GAS7: variants seen among roughly 807,000 people sequenced by gnomAD.
GAS7 encodes the protein growth arrest specific 7, also known as growth arrest-specific protein 7.
In GAS7, 28 loss-of-function variants were observed where a neutral mutation model predicts 71.1. That is an observed-to-expected ratio of 0.39 (90% CI 0.29 to 0.54). The LOEUF (loss-of-function observed/expected upper bound fraction) is 0.54, where lower values mean the gene tolerates loss of function less well. Among genes scored for constraint, GAS7 ranks in the 20% least tolerant of loss-of-function variants. The pLI, the probability that GAS7 is intolerant of heterozygous loss-of-function variation, is 0.62. For missense variants in GAS7, 436 were observed against 627.8 expected (o/e 0.69, Z 3.27); for synonymous variants, 258 against 245.8 (o/e 1.05, Z -0.46).
chr17:10,097,181 GC>G (rs1345373714), intron 1 of GAS7, among the ~76,000 whole-genome samples: 1 of 152,080 alleles, frequency 6.6e-6, no homozygotes, highest in Non-Finnish European at 1.5e-5. Context: ...CCTTCTCTGA[GC>G]CCCCATAACA....
chr17:10,029,103 C>A (rs1391635219), intron 1 of GAS7, among the ~76,000 whole-genome samples: 2 of 152,192 alleles, frequency 1.3e-5, no homozygotes, highest in Non-Finnish European at 2.9e-5. Flanking sequence ...ATTTACACAG[C>A]AAAGATAAGG....
intron 3 of GAS7, among the ~76,000 whole-genome samples, chr17:9,971,367 C>T (rs564150070): frequency 4.6e-5 from 7 of 152,144 alleles, no homozygotes; most frequent in Admixed American, 2.0e-4. Context: ...AAGATCAGCC[C>T]GGACAACACC....
At chr17:10,033,571 C>T (rs923086178) in intron 1 of GAS7, among the ~76,000 whole-genome samples, 9 of 152,170 alleles carry the variant, frequency 5.9e-5, no homozygotes, top group African/African-American at 1.7e-4. Flanking sequence ...CAAAGCAGCC[C>T]GCTCACCAGA....
intron 2 of GAS7, among the ~76,000 whole-genome samples, chr17:10,002,449 T>C (rs1401507418): frequency 1.3e-5 from 2 of 152,084 alleles, no homozygotes; most frequent in Admixed American, 6.5e-5. Context: ...CTAGGGTACA[T>C]GTGCACAACA....
rs572350222 is a variant in GAS7, at chr17:9,916,534, C to T, written c.*694G>A. On this transcript the variant is annotated 3_prime_UTR_variant, in exon 14 of 14. Coordinates refer to ENST00000432992, the MANE Select transcript of GAS7 (RefSeq NM_201433.2). ...TTTCCAGAGGAGACTTTACAGATGG[C>T]GCCTGATCTCATGGGACACGATTCA... 2.1e-5 allele frequency: 5 copies of T among 238,114 alleles called. No homozygotes were observed. Among genetic ancestry groups the T allele is most frequent in the South Asian group, 1.8e-4 (1 of 5,562 alleles). The allele number at this position is 238,114 out of a possible 1,614,324, so 14.8% of individuals were successfully genotyped here.
At position 10,088,591 on chromosome 17, in the gene GAS7, G is replaced by A. The variant is rs544852198; in HGVS notation, c.184-68694C>T. Among the ~76,000 whole-genome samples the A allele has an allele frequency of 5.3e-5, 8 of 152,294 alleles. No homozygotes were observed. In the East Asian group the frequency reaches 1.5e-3, roughly 29 times the overall value. On this transcript the variant is annotated intron_variant, in intron 1 of 13. Coordinates refer to ENST00000432992, the MANE Select transcript of GAS7 (RefSeq NM_201433.2). ...GCATCTTTTTACGAGGCTCAGCCAT[G>A]ACATCTAAATGGATTCAAGGTAAAT...
intron 1 of GAS7, among the ~76,000 whole-genome samples, chr17:10,088,224 AAT>A (rs1299176222): frequency 1.0e-5 from 1 of 95,724 alleles, no homozygotes; most frequent in Non-Finnish European, 1.9e-5. Flanking sequence ...CTATCTCAAT[AAT>A]AATAATAATA....
At position 9,919,693 on chromosome 17, in the gene GAS7, A is replaced by C; in HGVS notation, c.1151T>G (p.Met384Arg). The change falls in exon 12 of 14, where the codon ATG (methionine) becomes AGG (arginine). Residue 384 changes from methionine to arginine, a missense_variant. Coordinates refer to ENST00000432992, the MANE Select transcript of GAS7 (RefSeq NM_201433.2). The surrounding 1 kb of genome is among the most constrained non-coding windows in gnomAD (Gnocchi z 5.0). ...RKSTQAGDDL[M>R]RCVDLYNQAQ... ...CTGGTTGTAGAGATCCACACAGCGCATGAGGTCGTCTCCTGGAAAAAGACC... is the reference window on the plus strand; with the variant it reads ...CTGGTTGTAGAGATCCACACAGCGCCTGAGGTCGTCTCCTGGAAAAAGACC... 6.2e-7 allele frequency: 1 copy of C among 1,613,306 alleles called. No homozygotes were observed.
chr17:10,097,990 GC>G (rs1401111741), intron 1 of GAS7, among the ~76,000 whole-genome samples: 3 of 150,914 alleles, frequency 2.0e-5, no homozygotes, highest in Non-Finnish European at 4.4e-5. Context: ...GTCGCAATGA[GC>G]CAAGATCGTG....
chr17:9,986,824 C>T (rs2070668477), intron 2 of GAS7, among the ~76,000 whole-genome samples: 1 of 152,176 alleles, frequency 6.6e-6, no homozygotes, highest in Non-Finnish European at 1.5e-5. Context: ...CTTGTCTTGG[C>T]GAGATCTGAC....
intron 1 of GAS7, among the ~76,000 whole-genome samples, chr17:10,065,102 C>T (rs12603210): frequency 0.42 from 63,289 of 152,028 alleles, 13,345 homozygotes; most frequent in Non-Finnish European, 0.45. Context: ...GATTACAGGT[C>T]TAAGCCTGAA....
intron 9 of GAS7, among the ~76,000 whole-genome samples, chr17:9,933,300 T>C (rs1038670337): frequency 6.6e-6 from 1 of 152,200 alleles, no homozygotes; most frequent in Non-Finnish European, 1.5e-5. Flanking sequence ...CATAACCTAA[T>C]GTTCCCTGAC....
At chr17:10,179,262 G>T (rs2074396644) in intron 1 of GAS7, among the ~76,000 whole-genome samples, 1 of 151,876 alleles carries the variant, frequency 6.6e-6, no homozygotes, top group South Asian at 2.1e-4. Flanking sequence ...CTGGGAGGCG[G>T]ATGTTGCAGT....
chr17:10,121,268 C>A (rs919619864), intron 1 of GAS7, among the ~76,000 whole-genome samples: 1 of 152,062 alleles, frequency 6.6e-6, no homozygotes, highest in African/African-American at 2.4e-5. Flanking sequence ...GTAGTCCCAG[C>A]GACTTGGGAG....
intron 1 of GAS7, among the ~76,000 whole-genome samples, chr17:10,115,275 A>G (rs529637379): frequency 6.6e-6 from 1 of 152,374 alleles, no homozygotes; most frequent in South Asian, 2.1e-4. Context: ...GGGAAGGACC[A>G]GGGACGGAAG....
At chr17:10,101,960 G>A (rs998843469) in intron 1 of GAS7, among the ~76,000 whole-genome samples, 2 of 152,116 alleles carry the variant, frequency 1.3e-5, no homozygotes, top group Non-Finnish European at 1.5e-5. Flanking sequence ...GGGACCAGCA[G>A]AGACTGGCAG....
chr17:10,165,809 C>G (rs893938527), intron 1 of GAS7, among the ~76,000 whole-genome samples: 1 of 152,166 alleles, frequency 6.6e-6, no homozygotes, highest in Non-Finnish European at 1.5e-5. Context: ...CTCTCAGGAT[C>G]TGGAAACGGG....
At position 10,034,179 on chromosome 17, in the gene GAS7, G is replaced by A. The variant is rs972977079; in HGVS notation, c.184-14282C>T. ...GAGCTGGTAAAGCTGCAGCAGTCTC[G>A]CTGGCAGATCTTGAGCAACCTCTTC... On this transcript the variant is annotated intron_variant, in intron 1 of 13. Transcript: ENST00000432992. This position sits in a 1 kb window ranked among gnomAD's most constrained non-coding sequence, Gnocchi z 4.4. 67 of 984,544 alleles carry A rather than the reference G, an allele frequency of 6.8e-5. No individual in the cohort carries two copies. Among genetic ancestry groups the A allele is most frequent in the African/African-American group, 5.2e-5 (3 of 57,206 alleles). The allele number at this position is 984,544 out of a possible 1,614,324, so 61.0% of individuals were successfully genotyped here. A position where few individuals can be genotyped will look rare whatever the true frequency, so the allele number is the denominator to read the frequency against.
intron 1 of GAS7, among the ~76,000 whole-genome samples, chr17:10,111,665 A>G (rs2073815252): frequency 6.6e-6 from 1 of 152,176 alleles, no homozygotes; most frequent in African/African-American, 2.4e-5. Flanking sequence ...GCCTGGAGAC[A>G]GGGCAAGACT....
Sources: allele counts gnomAD v4.1 joint callset (sites outside exome capture counted in the v4.1 genomes callset), GRCh38; gene constraint gnomAD v4.1.1; non-coding constraint Gnocchi (gnomAD v3.1); transcripts MANE v1.5; gene names NCBI Gene and HGNC (gene_info 2026-07-23, HGNC 2026-07-21).